Variants in ARHGAP24 observed in about 807,000 individuals in gnomAD.
The protein encoded by ARHGAP24 is rho GTPase-activating protein 24.
ARHGAP24 carries 50 observed loss-of-function variants against 76.4 expected under a neutral mutation model. That is an observed-to-expected ratio of 0.65 (90% CI 0.52 to 0.83). The LOEUF (loss-of-function observed/expected upper bound fraction) is 0.83, where lower values mean the gene tolerates loss of function less well. Among genes scored for constraint, ARHGAP24 ranks in the 40% least tolerant of loss-of-function variants. ARHGAP24 has a pLI of 0.00. For synonymous variants in ARHGAP24, 345 were observed against 323.3 expected, an observed-to-expected ratio of 1.07 and a Z score of -0.72; for missense variants, 930 against 914.2, an observed-to-expected ratio of 1.02 and a Z score of -0.22.
At chr4:85,618,424 A>G (rs547416436) in intron 2 of ARHGAP24, among the ~76,000 whole-genome samples, 2 of 152,266 alleles carry the variant, frequency 1.3e-5, no homozygotes, top group African/African-American at 4.8e-5. Flanking sequence ...GCTATTGTGA[A>G]TAATGCTGCT....
intron 1 of ARHGAP24, among the ~76,000 whole-genome samples, chr4:85,517,179 G>A (rs559615091): frequency 6.6e-6 from 1 of 152,210 alleles, no homozygotes; most frequent in South Asian, 2.1e-4. Context: ...AAATTTCATA[G>A]TACATTTAAA....
intron 2 of ARHGAP24, among the ~76,000 whole-genome samples, chr4:85,714,516 G>T (rs1208769015): frequency 5.3e-5 from 8 of 151,940 alleles, no homozygotes; most frequent in Admixed American, 4.6e-4. Context: ...TTATAAAATA[G>T]TCTCATACAA....
intron 3 of ARHGAP24, among the ~76,000 whole-genome samples, chr4:85,745,137 A>G (rs1202669127): frequency 1.3e-5 from 2 of 152,000 alleles, no homozygotes; most frequent in Non-Finnish European, 2.9e-5. Flanking sequence ...AAAGGAGAGA[A>G]GCTTATAAAT....
At chr4:85,572,874 CT>C (rs775780758) in intron 2 of ARHGAP24, among the ~76,000 whole-genome samples, 4,915 of 124,228 alleles carry the variant, frequency 0.04, 102 homozygotes, top group African/African-American at 0.15. Flanking sequence ...TTTTTTCTTT[CT>C]TTTTTTTTTT....
chr4:85,838,280 G>T lies in ARHGAP24; in HGVS notation c.269-85368G>T, dbSNP rs550780025. On this transcript the variant is annotated intron_variant, in intron 3 of 9. Coordinates refer to ENST00000395184, the MANE Select transcript of ARHGAP24 (RefSeq NM_001025616.3). Reference sequence around the variant, plus strand: ...GGATACTGCCTCTCAAGAGAGACATGTAATCATTCTGAATATATCTTTAAA... The same window carrying T: ...GGATACTGCCTCTCAAGAGAGACATTTAATCATTCTGAATATATCTTTAAA... 8.7e-4 allele frequency among the ~76,000 whole-genome samples: 133 copies of T among 152,280 alleles called. 3 individuals carry two copies. Among genetic ancestry groups the T allele is most frequent in the Admixed American group, 8.6e-3 (132 of 15,284 alleles).
At chr4:85,825,174 A>T (rs1729654855) in intron 3 of ARHGAP24, among the ~76,000 whole-genome samples, 4 of 152,196 alleles carry the variant, frequency 2.6e-5, no homozygotes. Context: ...ATTTGAAGAA[A>T]GTGCCTAAAA....
intron 8 of ARHGAP24, among the ~76,000 whole-genome samples, chr4:85,988,558 A>G (rs1467789023): frequency 6.6e-6 from 1 of 151,568 alleles, no homozygotes; most frequent in Non-Finnish European, 1.5e-5. Context: ...AAACTGAGGT[A>G]TTAGGTAATA....
intron 3 of ARHGAP24, among the ~76,000 whole-genome samples, chr4:85,812,512 GT>G (rs1447506589): frequency 2.6e-5 from 4 of 151,564 alleles, no homozygotes; most frequent in Non-Finnish European, 4.4e-5. Context: ...CTAACCCAGA[GT>G]TTTTTGCCTT....
chr4:85,729,518 G>A (rs1171465954), intron 3 of ARHGAP24, among the ~76,000 whole-genome samples: 2 of 152,176 alleles, frequency 1.3e-5, no homozygotes, highest in African/African-American at 4.8e-5. Flanking sequence ...TGGACAGCAT[G>A]ATCATACGAT....
intron 2 of ARHGAP24, among the ~76,000 whole-genome samples, chr4:85,638,424 G>A (rs1721401634): frequency 6.6e-6 from 1 of 152,116 alleles, no homozygotes; most frequent in South Asian, 2.1e-4. Context: ...CTAAAGGGAT[G>A]CATTCTTCCA....
chr4:85,943,490 G>A (rs1436257832), intron 5 of ARHGAP24, among the ~76,000 whole-genome samples: 4 of 151,920 alleles, frequency 2.6e-5, no homozygotes, highest in African/African-American at 9.7e-5. Flanking sequence ...TTTAAGTTCT[G>A]GGATACATGA....
At chr4:85,536,629 T>C (rs931350134) in intron 1 of ARHGAP24, among the ~76,000 whole-genome samples, 2 of 152,164 alleles carry the variant, frequency 1.3e-5, no homozygotes, top group Non-Finnish European at 2.9e-5. Flanking sequence ...ATGAAAGCAG[T>C]GTTCAGACAA....
chr4:85,981,700 A>G (rs968276053), intron 8 of ARHGAP24, among the ~76,000 whole-genome samples: 1 of 151,428 alleles, frequency 6.6e-6, no homozygotes, highest in Non-Finnish European at 1.5e-5. Flanking sequence ...GTCCTTCCCA[A>G]TTTTCACCTC....
At position 85,478,236 on chromosome 4, in the gene ARHGAP24, T is replaced by G. The variant is rs372684970; in HGVS notation, c.-21+2677T>G. ...GCTCTTAAAGCCATGGCTAAAGGAC[T>G]AAGATCTCTCCCAGATACAGAAAGA... On this transcript the variant is annotated intron_variant, in intron 1 of 9. Coordinates refer to ENST00000395184, the MANE Select transcript of ARHGAP24 (RefSeq NM_001025616.3). Among the ~76,000 whole-genome samples, 8 of 152,340 alleles carry G rather than the reference T, an allele frequency of 5.3e-5. No individual in the cohort carries two copies. In the East Asian group the frequency reaches 9.6e-4, roughly 18 times the overall value.
At chr4:85,611,736 C>T (rs940561931) in intron 2 of ARHGAP24, among the ~76,000 whole-genome samples, 3 of 152,128 alleles carry the variant, frequency 2.0e-5, no homozygotes, top group Admixed American at 1.3e-4. Flanking sequence ...TTAAGATGAT[C>T]CTTTGAGTCT....
intron 2 of ARHGAP24, among the ~76,000 whole-genome samples, chr4:85,644,118 G>T (rs1287422085): frequency 6.6e-6 from 1 of 152,134 alleles, no homozygotes; most frequent in Non-Finnish European, 1.5e-5. Flanking sequence ...TATGTGAAGG[G>T]CAAGTGACTT....
chr4:85,687,020 G>T (rs896275679), intron 2 of ARHGAP24, among the ~76,000 whole-genome samples: 1 of 151,930 alleles, frequency 6.6e-6, no homozygotes. Context: ...TGGGATGGAG[G>T]GGGGAGAAAA....
intron 2 of ARHGAP24, among the ~76,000 whole-genome samples, chr4:85,649,670 A>G (rs1428947635): frequency 6.6e-6 from 1 of 152,126 alleles, no homozygotes; most frequent in Non-Finnish European, 1.5e-5. Flanking sequence ...GTTGTCTTCT[A>G]ACTGTGAAAC....
intron 3 of ARHGAP24, among the ~76,000 whole-genome samples, chr4:85,901,222 A>G (rs189091758): frequency 9.9e-5 from 15 of 152,278 alleles, no homozygotes; most frequent in Admixed American, 9.8e-4. Flanking sequence ...AATAAGAAAA[A>G]CAAATGATTT....
Sources: gnomAD v4.1 joint callset for allele counts (sites outside exome capture counted in the v4.1 genomes callset) on GRCh38, gnomAD v4.1.1 for gene constraint, MANE v1.5 for transcripts, NCBI Gene and HGNC (gene_info 2026-07-23, HGNC 2026-07-21) for gene names.